Variants in SUN5 observed in about 807,000 individuals in gnomAD.
SUN5 encodes the protein SUN domain-containing protein 5.
In SUN5, 44 loss-of-function variants were observed where a neutral mutation model predicts 53.7. The ratio of observed to expected loss-of-function variants is 0.82; its 90% CI spans 0.64 to 1.05. SUN5 has a LOEUF of 1.05. SUN5 is among the 50% of genes least tolerant of loss of function. The pLI, the probability that SUN5 is intolerant of heterozygous loss-of-function variation, is 0.00. For missense variants in SUN5, 433 were observed against 483.8 expected (o/e 0.90, Z 0.98); for synonymous variants, 166 against 179.8 (o/e 0.92, Z 0.62).
intron 8 of SUN5, among the ~76,000 whole-genome samples, chr20:32,994,920 A>G (rs148739023): frequency 1.9e-3 from 294 of 152,316 alleles, no homozygotes; most frequent in African/African-American, 6.8e-3. Flanking sequence ...GAGAGACAGA[A>G]TGATGCAAGA....
chr20:32,986,932 G>A (rs1280184963), intron 10 of SUN5, among the ~76,000 whole-genome samples: 1 of 152,314 alleles, frequency 6.6e-6, no homozygotes, highest in South Asian at 2.1e-4. Flanking sequence ...GAAGCCCCTT[G>A]CCCCGTCCAA....
In SUN5 at chr20:33,000,000, G is replaced by T; in HGVS notation, c.340+74C>A. 1.9e-6 allele frequency: 3 copies of T among 1,569,640 alleles called. No individual in the cohort carries two copies. The East Asian group carries it at 6.9e-5, about 36-fold the overall frequency. The stretch of plus-strand genomic sequence containing the variant: ...GAGTCACGTGGCAGTGCAGTGTCTT[G>T]CCCAGTGTCCTATAATCAGTGCCAG... On this transcript the variant is annotated intron_variant, in intron 5 of 12. Transcript: ENST00000356173.
chr20:33,004,239 C>A (rs2146343865), intron 1 of SUN5, 25 bp downstream of exon 1: 3 of 1,545,046 alleles, frequency 1.9e-6, no homozygotes, highest in Non-Finnish European at 2.6e-6. Context: ...AAGGGCTGGG[C>A]AAAGGGAGGG....
At chr20:33,001,661 CCCTCCCTT>C (rs1238105575) in intron 3 of SUN5, among the ~76,000 whole-genome samples, 2 of 110,902 alleles carry the variant, frequency 1.8e-5, no homozygotes, top group African/African-American at 6.7e-5. Context: ...CTCCCTCCCT[CCCTCCCTT>C]CCTTCCTTCT....
intron 10 of SUN5, among the ~76,000 whole-genome samples, chr20:32,986,667 T>C (rs1989549128): frequency 6.6e-6 from 1 of 152,108 alleles, no homozygotes; most frequent in African/African-American, 2.4e-5. Context: ...GGCTTGATGA[T>C]GTGAGGACCT....
Position 33,004,398 on chromosome 20 carries a change from G to C in SUN5, c.-58C>G. On this transcript the variant is annotated 5_prime_UTR_variant, in exon 1 of 13. Transcript: ENST00000356173. The stretch of plus-strand genomic sequence containing the variant: ...GGGAACTCTGGGAGCTGGTGAGGAG[G>C]AAGGGGCTGATGCCTCTGAATGTCC... 1 of 1,506,390 alleles carries C rather than the reference G, an allele frequency of 6.6e-7. No individual in the cohort carries two copies. The highest frequency in any genetic ancestry group is 1.3e-5 in the South Asian group (1 of 76,390). The allele number at this position is 1,506,390 out of a possible 1,614,324, so 93.3% of individuals were successfully genotyped here.
At chr20:32,991,239 C>T (rs1046166231) in intron 8 of SUN5, among the ~76,000 whole-genome samples, 10 of 152,170 alleles carry the variant, frequency 6.6e-5, no homozygotes, top group South Asian at 2.1e-4. Flanking sequence ...AGTTGATCCC[C>T]GATCCTGGAT....
In SUN5 at chr20:32,983,942, G is replaced by T; in HGVS notation, c.992C>A (p.Pro331Gln). 6.3e-7 allele frequency: 1 copy of T among 1,578,304 alleles called. No homozygotes were observed. ...CTTGACCGCACTGAAAGCCCGGGCC[G>T]GCTGGTTCTGGAAGAGAATCAGTCA... ...IIQMFPLQNQ[P>Q]ARAFSAVKVK... The change falls in exon 13 of 13, where the codon CCG (proline) becomes CAG (glutamine). Residue 331 changes from proline (P) to glutamine (Q), a missense_variant. By Grantham distance (76) the Pro-to-Gln change is moderately conservative (BLOSUM62 -1). Coordinates refer to ENST00000356173, the MANE Select transcript of SUN5 (RefSeq NM_080675.4).
In SUN5 at chr20:33,003,890, C is replaced by A. The variant is rs1413337096; in HGVS notation, c.77+374G>T. Among the ~76,000 whole-genome samples, 5 of 152,068 alleles carry A rather than the reference C, an allele frequency of 3.3e-5. No individual in the cohort carries two copies. The South Asian group carries it at 6.2e-4, about 19-fold the overall frequency. ...TCATTTTAAGTTGGAATTTCTGTCACCTGCATTCAGAGGCTTTCTGACAGA... is the reference window on the plus strand; with the variant it reads ...TCATTTTAAGTTGGAATTTCTGTCAACTGCATTCAGAGGCTTTCTGACAGA... On this transcript the variant is annotated intron_variant, in intron 1 of 12. Coordinates refer to ENST00000356173, the MANE Select transcript of SUN5 (RefSeq NM_080675.4).
intron 8 of SUN5, among the ~76,000 whole-genome samples, chr20:32,993,299 C>T (rs1989754443): frequency 1.3e-5 from 2 of 152,228 alleles, no homozygotes; most frequent in African/African-American, 4.8e-5. Flanking sequence ...ACCAGATGAA[C>T]TAAAATTCTG....
chr20:32,997,550 G>A (rs975924380), intron 6 of SUN5, 88 bp downstream of exon 6: 3 of 1,472,122 alleles, frequency 2.0e-6, no homozygotes, highest in Admixed American at 3.7e-5. Context: ...GGCCCCATTT[G>A]GTGAGAATGA....
At chr20:32,985,939 TGG>T in intron 10 of SUN5, 36 bp from the exon 11 acceptor site, 1 of 1,597,132 alleles carries the variant, frequency 6.3e-7, no homozygotes, top group African/African-American at 1.3e-5. Flanking sequence ...ATATGCTGGG[TGG>T]GTAGGGGGAT....
At chr20:32,989,836 G>A (rs951810334) in intron 8 of SUN5, 138 bp from the exon 9 acceptor site, 2 of 728,716 alleles carry the variant, frequency 2.7e-6, no homozygotes, top group Admixed American at 4.5e-5. Context: ...GGAAGCCTGT[G>A]GCTCTGTGAA....
intron 7 of SUN5, 125 bp from the exon 8 acceptor site, chr20:32,995,852 C>CAAGAG: frequency 1.3e-6 from 1 of 789,590 alleles, no homozygotes; most frequent in Non-Finnish European, 2.2e-6. Flanking sequence ...CTCTTGGGCC[C>CAAGAG]ATCCCTGGAC....
chr20:32,998,748 G>A lies in SUN5; in HGVS notation c.341-1061C>T, dbSNP rs74949562. ...AAGAAAAAGAAGTAGGCCAGGCGTGGTGTCTCACACCTGTAATCCTAGCAC... is the reference window on the plus strand; with the variant it reads ...AAGAAAAAGAAGTAGGCCAGGCGTGATGTCTCACACCTGTAATCCTAGCAC... On this transcript the variant is annotated intron_variant, in intron 5 of 12. Coordinates refer to ENST00000356173, the MANE Select transcript of SUN5 (RefSeq NM_080675.4). Among the ~76,000 whole-genome samples, 881 of 152,030 alleles carry A rather than the reference G, an allele frequency of 5.8e-3. 9 individuals carry two copies. Among genetic ancestry groups the A allele is most frequent in the African/African-American group, 0.02 (824 of 41,446 alleles).
At chr20:32,989,747 TG>T (rs1989660715) in intron 8 of SUN5, 49 bp from the exon 9 acceptor site, 1 of 1,532,338 alleles carries the variant, frequency 6.5e-7, no homozygotes, top group Non-Finnish European at 9.0e-7. Context: ...TGTCACGGAC[TG>T]TGATCCCCAC....
chr20:32,997,540 G>C, intron 6 of SUN5, 98 bp downstream of exon 6: 1 of 1,366,544 alleles, frequency 7.3e-7, no homozygotes, highest in Non-Finnish European at 1.0e-6. Context: ...ACTGATGAGG[G>C]GCCCCATTTG....
intron 10 of SUN5, among the ~76,000 whole-genome samples, chr20:32,986,478 T>C (rs1056756330): frequency 1.3e-5 from 2 of 152,214 alleles, no homozygotes. Flanking sequence ...CGGTCGGTTC[T>C]GAGCTTCTGG....
intron 7 of SUN5, 141 bp downstream of exon 7, chr20:32,996,183 C>T (rs1264820571): frequency 2.7e-6 from 2 of 751,304 alleles, no homozygotes; most frequent in Non-Finnish European, 4.3e-6. Context: ...TAAGGTCAGC[C>T]ATGTAGAAGG....
Sources: gnomAD v4.1 joint callset for allele counts (sites outside exome capture counted in the v4.1 genomes callset) on GRCh38, gnomAD v4.1.1 for gene constraint, MANE v1.5 for transcripts, NCBI Gene and HGNC (gene_info 2026-07-23, HGNC 2026-07-21) for gene names.